HTR2C: variants seen among roughly 807,000 people sequenced by gnomAD.
The protein encoded by HTR2C is 5-hydroxytryptamine (serotonin) receptor 2C, G protein-coupled.
Under a neutral mutation model 21.0 loss-of-function variants are expected in HTR2C, and 5 were observed. That is an observed-to-expected ratio of 0.24 (90% CI 0.12 to 0.50). The LOEUF (loss-of-function observed/expected upper bound fraction) is 0.50, where lower values mean the gene tolerates loss of function less well. Ranked by LOEUF, HTR2C falls within the 20% of genes least tolerant of loss-of-function variation. The pLI is 0.98. For missense variants in HTR2C, 271 were observed against 371.2 expected (o/e 0.73, Z 2.22); for synonymous variants, 150 against 145.3 (o/e 1.03, Z -0.23).
chrX:114,752,119 C>T (rs181874687), intron 4 of HTR2C, among the ~76,000 whole-genome samples: 82 of 111,554 alleles, frequency 7.4e-4, no homozygotes, highest in Admixed American at 1.6e-3. Context: ...AGTTCAGACA[C>T]TTTTTAATAT....
At chrX:114,806,608 C>T (rs1434758841) in intron 4 of HTR2C, among the ~76,000 whole-genome samples, 1 of 90,752 alleles carries the variant, frequency 1.1e-5, no homozygotes, top group African/African-American at 4.1e-5. Flanking sequence ...ATATATACAC[C>T]ATATATACAC....
intron 2 of HTR2C, among the ~76,000 whole-genome samples, chrX:114,656,862 C>T (rs1556409331): frequency 9.2e-6 from 1 of 108,360 alleles, no homozygotes; most frequent in South Asian, 3.9e-4. Flanking sequence ...CAATCTTAGC[C>T]AAAAGACATA....
chrX:114,816,281 T>TAGATAGAC (rs2070585171), intron 4 of HTR2C, among the ~76,000 whole-genome samples: 1 of 110,535 alleles, frequency 9.0e-6, no homozygotes, highest in African/African-American at 3.3e-5. Flanking sequence ...GATAGATAGA[T>TAGATAGAC]AGATAGATAG....
intron 2 of HTR2C, among the ~76,000 whole-genome samples, chrX:114,614,539 C>T (rs1239025381): frequency 9.0e-6 from 1 of 110,917 alleles, no homozygotes; most frequent in Non-Finnish European, 1.9e-5. Flanking sequence ...GGATTACAGG[C>T]GTGAACCACC....
chrX:114,604,118 G>A (rs1342100971), intron 1 of HTR2C, among the ~76,000 whole-genome samples: 1 of 108,360 alleles, frequency 9.2e-6, no homozygotes, highest in Non-Finnish European at 1.9e-5. Context: ...CGCCAAGGAG[G>A]GAGTAGAGGT....
At chrX:114,726,762 A>G (rs183072892) in intron 2 of HTR2C, 96 bp from the exon 3 acceptor site, 55 of 381,079 alleles carry the variant, frequency 1.4e-4, no homozygotes, top group Admixed American at 3.6e-4. Context: ...ACTGTTTCTT[A>G]TCACCATTAA....
chrX:114,698,477 CACGCACACACACAG>C (rs1932355532), intron 2 of HTR2C, among the ~76,000 whole-genome samples: 6 of 9,791 alleles, frequency 6.1e-4, no homozygotes, highest in African/African-American at 1.5e-3. Context: ...CACACACAAA[CACGCACACACACAG>C]AGAAATGTTT....
chrX:114,639,431 C>T (rs1214674600), intron 2 of HTR2C: 1 of 113,049 alleles, frequency 8.8e-6, no homozygotes. Flanking sequence ...TATTTTCAAT[C>T]TAAAATCTAG....
intron 4 of HTR2C, among the ~76,000 whole-genome samples, chrX:114,833,875 C>T (rs1451516638): frequency 1.3e-4 from 14 of 108,728 alleles, no homozygotes; most frequent in East Asian, 2.9e-4. Context: ...GCTTTGAATG[C>T]ATCCCAGAGA....
intron 2 of HTR2C, among the ~76,000 whole-genome samples, chrX:114,661,211 T>G (rs1930973476): frequency 9.0e-6 from 1 of 110,788 alleles, no homozygotes; most frequent in Non-Finnish European, 1.9e-5. Flanking sequence ...TCCCAGCACT[T>G]TGGGAGGCCG....
intron 2 of HTR2C, among the ~76,000 whole-genome samples, chrX:114,643,246 C>CTT (rs34506256): frequency 1.1e-4 from 11 of 102,872 alleles, no homozygotes; most frequent in South Asian, 8.7e-4. Flanking sequence ...TTTGCCATTA[C>CTT]TTTTTTTTTT....
chrX:114,641,934 C>T (rs1450487501), intron 2 of HTR2C, among the ~76,000 whole-genome samples: 1 of 110,980 alleles, frequency 9.0e-6, no homozygotes, highest in African/African-American at 3.3e-5. Context: ...TGTGTTGTTC[C>T]CCTCCCTGTG....
intron 4 of HTR2C, among the ~76,000 whole-genome samples, chrX:114,748,429 A>G (rs963227365): frequency 9.0e-6 from 1 of 111,653 alleles, no homozygotes; most frequent in South Asian, 3.7e-4. Flanking sequence ...TTTATGCAGA[A>G]AGGCAAAAGA....
chrX:114,607,331 C>G (rs1928504572), intron 1 of HTR2C, among the ~76,000 whole-genome samples: 2 of 111,181 alleles, frequency 1.8e-5, no homozygotes. Flanking sequence ...TGTGGAGTTT[C>G]TTCTTCTTGG....
intron 2 of HTR2C, among the ~76,000 whole-genome samples, chrX:114,707,195 T>C (rs1396809442): frequency 9.0e-6 from 1 of 111,420 alleles, no homozygotes; most frequent in African/African-American, 3.3e-5. Context: ...ATTTGTCTGC[T>C]TAGAAAATGG....
chrX:114,849,148 A>G (rs782028563), intron 5 of HTR2C, among the ~76,000 whole-genome samples: 1 of 112,310 alleles, frequency 8.9e-6, no homozygotes, highest in Non-Finnish European at 1.9e-5. Flanking sequence ...TTGAATAAAA[A>G]GTCGTGAAGC....
intron 4 of HTR2C, among the ~76,000 whole-genome samples, chrX:114,814,738 A>G (rs886663623): frequency 1.9e-5 from 2 of 103,581 alleles, no homozygotes; most frequent in Admixed American, 2.3e-4. Context: ...GTTTCACAGA[A>G]CATCTAATAT....
At chrX:114,631,654 C>T (rs781914608) in intron 2 of HTR2C, among the ~76,000 whole-genome samples, 1 of 111,676 alleles carries the variant, frequency 9.0e-6, no homozygotes, top group African/African-American at 3.2e-5. Context: ...GTATTTGCCC[C>T]ACATTTCTAC....
At chrX:114,822,258 C>T (rs2070641563) in intron 4 of HTR2C, among the ~76,000 whole-genome samples, 1 of 111,807 alleles carries the variant, frequency 8.9e-6, no homozygotes, top group Admixed American at 9.5e-5. Context: ...AAATAAAATA[C>T]CAGATTAAAG....
Sources: gnomAD v4.1 joint callset for allele counts (sites outside exome capture counted in the v4.1 genomes callset) on GRCh38, gnomAD v4.1.1 for gene constraint, MANE v1.5 for transcripts, NCBI Gene and HGNC (gene_info 2026-07-23, HGNC 2026-07-21) for gene names.